GCNT2: variants seen among roughly 807,000 people sequenced by gnomAD.
The protein encoded by GCNT2 is glucosaminyl (N-acetyl) transferase 2 (I blood group).
In GCNT2, 34 loss-of-function variants were observed where a neutral mutation model predicts 34.2. That is an observed-to-expected ratio of 1.00 (90% CI 0.76 to 1.32). The LOEUF (loss-of-function observed/expected upper bound fraction) is 1.32. Among genes scored for constraint, GCNT2 ranks in the 40% most tolerant of loss-of-function variants. The pLI is 0.00. For synonymous variants in GCNT2, 212 were observed against 188.0 expected (o/e 1.13, Z -1.04); for missense variants, 584 against 489.4 (o/e 1.19, Z -1.82).
intron 3 of GCNT2, among the ~76,000 whole-genome samples, chr6:10,614,778 G>A (rs780773740): frequency 2.0e-5 from 3 of 151,970 alleles, no homozygotes; most frequent in Non-Finnish European, 2.9e-5. Context: ...AAACCTAAAC[G>A]GTCCTCCCCA....
At chr6:10,547,751 TA>T (rs1402256206) in intron 3 of GCNT2, among the ~76,000 whole-genome samples, 1 of 152,226 alleles carries the variant, frequency 6.6e-6, no homozygotes, top group Non-Finnish European at 1.5e-5. Flanking sequence ...GAATTTTAAA[TA>T]AAATTCATCC....
intron 3 of GCNT2, among the ~76,000 whole-genome samples, chr6:10,579,955 G>A (rs950908165): frequency 4.0e-5 from 6 of 151,828 alleles, no homozygotes; most frequent in East Asian, 1.9e-4. Context: ...TACTGCTGTC[G>A]GCAGGGGACC....
At chr6:10,551,288 A>G (rs1294268577) in intron 3 of GCNT2, among the ~76,000 whole-genome samples, 1 of 152,052 alleles carries the variant, frequency 6.6e-6, no homozygotes, top group Admixed American at 6.6e-5. Context: ...TTGCTGCATC[A>G]AAATCAGGTG....
At chr6:10,522,810 A>G (rs1205005729) in intron 1 of GCNT2, among the ~76,000 whole-genome samples, 4 of 152,170 alleles carry the variant, frequency 2.6e-5, no homozygotes, top group Non-Finnish European at 5.9e-5. Flanking sequence ...GGTGAAAACA[A>G]CAAACAAAGC....
At position 10,586,370 on chromosome 6, in the gene GCNT2, C is replaced by T. The variant is rs144473761; in HGVS notation, c.926-34981C>T. ...TGCCCCAAAATGTCTACTGTGTTCA[C>T]GTGGATGAGAAAGCCCCAGCTGAGT... On this transcript the variant is annotated intron_variant, in intron 3 of 4. Transcript: ENST00000495262. 4.4e-4 allele frequency: 705 copies of T among 1,614,080 alleles called. 2 individuals are homozygous for T. The African/African-American group carries it at 7.1e-3, about 16-fold the overall frequency.
chr6:10,571,545 G>T (rs1051342845), intron 3 of GCNT2, among the ~76,000 whole-genome samples: 12 of 152,034 alleles, frequency 7.9e-5, no homozygotes, highest in African/African-American at 2.7e-4. Context: ...TAGAGATGGG[G>T]TTTCACCATG....
intron 3 of GCNT2, among the ~76,000 whole-genome samples, chr6:10,588,302 A>G (rs1764445286): frequency 6.6e-6 from 1 of 152,180 alleles, no homozygotes; most frequent in Non-Finnish European, 1.5e-5. Flanking sequence ...CCTATTTTAA[A>G]CGCATGTAAA....
At chr6:10,612,344 G>A (rs1418716070) in intron 3 of GCNT2, among the ~76,000 whole-genome samples, 1 of 152,114 alleles carries the variant, frequency 6.6e-6, no homozygotes, top group Non-Finnish European at 1.5e-5. Context: ...TTTTGCACCT[G>A]AGGGGACATT....
At chr6:10,558,496 C>T (rs1224689045) in intron 3 of GCNT2, among the ~76,000 whole-genome samples, 3 of 152,168 alleles carry the variant, frequency 2.0e-5, no homozygotes, top group Non-Finnish European at 4.4e-5. Context: ...ATTTTCCTAT[C>T]TTTACTAATT....
At chr6:10,610,521 T>C (rs971683631) in intron 3 of GCNT2, among the ~76,000 whole-genome samples, 1 of 152,220 alleles carries the variant, frequency 6.6e-6, no homozygotes, top group African/African-American at 2.4e-5. Flanking sequence ...GGATTGCCTA[T>C]GTTTCTCAAC....
intron 3 of GCNT2, chr6:10,619,409 G>A (rs1184958418): frequency 6.6e-6 from 1 of 152,198 alleles, no homozygotes; most frequent in African/African-American, 2.4e-5. Context: ...GAGTGCAGAT[G>A]TGCAATCATT....
At chr6:10,540,744 A>G (rs947869909) in intron 3 of GCNT2, among the ~76,000 whole-genome samples, 8 of 152,184 alleles carry the variant, frequency 5.3e-5, no homozygotes, top group Non-Finnish European at 8.8e-5. Context: ...TCAGCATTAC[A>G]GGAAGTTTAT....
At chr6:10,592,109 C>T (rs1043464855) in intron 3 of GCNT2, among the ~76,000 whole-genome samples, 7 of 152,154 alleles carry the variant, frequency 4.6e-5, no homozygotes, top group Admixed American at 2.0e-4. Context: ...GTCACCAGGA[C>T]GTTCGAGTCT....
chr6:10,559,773 G>A (rs865830905), intron 3 of GCNT2, among the ~76,000 whole-genome samples: 1 of 152,210 alleles, frequency 6.6e-6, no homozygotes, highest in Admixed American at 6.5e-5. Context: ...ATTCTGCAAG[G>A]GATGCCTTTC....
At chr6:10,586,396 A>G (rs772576894) in intron 3 of GCNT2, 4 of 1,614,222 alleles carry the variant, frequency 2.5e-6, no homozygotes, top group African/African-American at 1.3e-5. Flanking sequence ...CCAGCTGAGT[A>G]TAAGGAATCT....
intron 4 of GCNT2, 41 bp downstream of exon 4, chr6:10,621,484 G>A: frequency 8.0e-7 from 1 of 1,256,134 alleles, no homozygotes; most frequent in Non-Finnish European, 1.2e-6. Context: ...CTGCCTGTTG[G>A]TGTTAGCAGG....
chr6:10,577,292 G>A (rs1033781612), intron 3 of GCNT2, among the ~76,000 whole-genome samples: 4 of 152,324 alleles, frequency 2.6e-5, no homozygotes, highest in South Asian at 2.1e-4. Context: ...GCACTCAGAC[G>A]CCTCCCGCGG....
chr6:10,525,667 T>A (rs1761149191), intron 1 of GCNT2, among the ~76,000 whole-genome samples: 1 of 152,198 alleles, frequency 6.6e-6, no homozygotes, highest in African/African-American at 2.4e-5. Context: ...TCTAGCATTG[T>A]CAAAGATACT....
intron 3 of GCNT2, among the ~76,000 whole-genome samples, chr6:10,561,245 CT>C (rs1484883263): frequency 1.3e-5 from 2 of 152,168 alleles, no homozygotes; most frequent in African/African-American, 4.8e-5. Context: ...TCACCGCAAC[CT>C]CCGCCTCCTG....
Sources: allele counts gnomAD v4.1 joint callset (sites outside exome capture counted in the v4.1 genomes callset), GRCh38; gene constraint gnomAD v4.1.1; transcripts MANE v1.5; gene names NCBI Gene and HGNC (gene_info 2026-07-23, HGNC 2026-07-21).